Variants in PRKD3 observed in about 807,000 individuals in gnomAD.
PRKD3 encodes the protein serine/threonine-protein kinase D3.
PRKD3 carries 47 observed loss-of-function variants against 99.2 expected under a neutral mutation model. That is an observed-to-expected ratio of 0.47 (90% confidence interval 0.38 to 0.60). The LOEUF is 0.60. Among genes scored for constraint, PRKD3 ranks in the 20% least tolerant of loss-of-function variants. The probability of loss-of-function intolerance (pLI) is 0.00; values close to 1 mark genes in which losing one functional copy is unlikely to be tolerated. For synonymous variants in PRKD3, 392 were observed against 355.4 expected, an observed-to-expected ratio of 1.10 and a Z score of -1.16; for missense variants, 1,019 against 1,088.4, an observed-to-expected ratio of 0.94 and a Z score of 0.90.
At chr2:37,305,982 G>A (rs1671148393) in intron 2 of PRKD3, among the ~76,000 whole-genome samples, 3 of 151,760 alleles carry the variant, frequency 2.0e-5, no homozygotes, top group Non-Finnish European at 4.4e-5. Context: ...ATCAGTGGCA[G>A]AATAGCAACT....
At chr2:37,263,850 G>C (rs1303011797) in intron 14 of PRKD3, among the ~76,000 whole-genome samples, 1 of 152,040 alleles carries the variant, frequency 6.6e-6, no homozygotes, top group East Asian at 1.9e-4. Context: ...TTTTTTTAAA[G>C]TATGCTCACT....
rs1030469654 is a variant in PRKD3 at position 37,293,336 on chromosome 2, A to G, written c.289-65T>C. On this transcript the variant is annotated intron_variant, in intron 2 of 18. Coordinates refer to ENST00000234179, the MANE Select transcript of PRKD3 (RefSeq NM_005813.6). ...TCTATTTTTATAAGTAAACGTTTCA[A>G]TTTTATCAAAGAATTTAAAACATAG... The G allele has an allele frequency of 3.1e-5, 43 of 1,394,614 alleles. No homozygotes were observed. The South Asian group carries it at 5.2e-4, about 17-fold the overall frequency. 86.4% of individuals were successfully genotyped at this position (1,394,614 alleles called of 1,614,324 possible).
intron 14 of PRKD3, among the ~76,000 whole-genome samples, chr2:37,261,854 C>T (rs1206909578): frequency 6.6e-6 from 1 of 152,104 alleles, no homozygotes; most frequent in Non-Finnish European, 1.5e-5. Flanking sequence ...TAGAATGGTA[C>T]AAAAGTGGTA....
intron 3 of PRKD3, among the ~76,000 whole-genome samples, chr2:37,291,349 G>A (rs78369682): frequency 0.022 from 3,392 of 152,292 alleles, 57 homozygotes; most frequent in Middle Eastern, 0.054. Context: ...AAACTACTAT[G>A]GAACTTAACT....
In PRKD3 at chr2:37,260,075, G is replaced by A. The variant is rs898768067; in HGVS notation, c.2046+148C>T. 4 of 695,112 alleles carry A rather than the reference G, an allele frequency of 5.8e-6. No individual in the cohort carries two copies. In the East Asian group the frequency reaches 8.4e-5, roughly 15 times the overall value. The allele number at this position is 695,112 out of a possible 1,614,324, so 43.1% of individuals were successfully genotyped here. A position where few individuals can be genotyped will look rare whatever the true frequency, so the allele number is the denominator to read the frequency against. Reference sequence around the variant, plus strand: ...AGATACTTGGGAGGCTGAGGCATGAGAATCACTTGAATCCAGGAGGCAGAG... The same window carrying A: ...AGATACTTGGGAGGCTGAGGCATGAAAATCACTTGAATCCAGGAGGCAGAG... On this transcript the variant is annotated intron_variant, in intron 15 of 18. Coordinates refer to ENST00000234179, the MANE Select transcript of PRKD3 (RefSeq NM_005813.6).
intron 7 of PRKD3, among the ~76,000 whole-genome samples, chr2:37,281,380 G>A (rs997006829): frequency 6.6e-6 from 1 of 152,182 alleles, no homozygotes; most frequent in African/African-American, 2.4e-5. Flanking sequence ...GCTCTGTCAA[G>A]GTGTTAATCA....
chr2:37,279,786 G>C lies in PRKD3; in HGVS notation c.1132C>G (p.Leu378Val), dbSNP rs1268211485. ...GCTTCTTCATCTCTTTCCACATCGA[G>C]ATCAGATGGATCCAAGAAGAACATC... ...DKMFFLDPSDLDVERDEEAVK... is the reference protein window; with the variant it reads ...DKMFFLDPSDVDVERDEEAVK... Residue 378 changes from leucine (L) to valine (V), a missense_variant, in exon 8 of 19, where the codon CTC becomes GTC. Physicochemically the swap from Leu to Val is conservative, Grantham distance 32. Around this residue, in one of 3 missense-constraint regions of PRKD3, gnomAD observed 710 missense variants for 692.7 expected, o/e 1.02. Transcript: ENST00000234179. 2 of 1,613,590 alleles carry C rather than the reference G, an allele frequency of 1.2e-6. No individual in the cohort carries two copies. Among genetic ancestry groups the C allele is most frequent in the Admixed American group, 1.7e-5 (1 of 59,928 alleles).
intron 14 of PRKD3, among the ~76,000 whole-genome samples, chr2:37,261,070 A>G (rs748435884): frequency 7.2e-5 from 11 of 152,258 alleles, no homozygotes; most frequent in African/African-American, 1.2e-4. Context: ...ATTTCTGGAC[A>G]TAAATCTAAA....
At chr2:37,300,206 C>G (rs1670859062) in intron 2 of PRKD3, among the ~76,000 whole-genome samples, 3 of 152,032 alleles carry the variant, frequency 2.0e-5, no homozygotes, top group East Asian at 1.9e-4. Flanking sequence ...GAATGAAATC[C>G]TATAATTTGC....
At chr2:37,288,595 T>G (rs1670232308) in intron 5 of PRKD3, among the ~76,000 whole-genome samples, 1 of 152,182 alleles carries the variant, frequency 6.6e-6, no homozygotes. Context: ...AGTTATTTCT[T>G]TTTTCCTGGA....
chr2:37,270,147 A>C (rs887176024), intron 12 of PRKD3, among the ~76,000 whole-genome samples: 3 of 152,196 alleles, frequency 2.0e-5, no homozygotes, highest in Non-Finnish European at 2.9e-5. Flanking sequence ...GAATCGCTTG[A>C]ACCCAGGAGG....
chr2:37,316,834 T>C lies in PRKD3; in HGVS notation c.-310A>G, dbSNP rs1417638434. 2 of 1,127,736 alleles carry C rather than the reference T, an allele frequency of 1.8e-6. No individual in the cohort carries two copies. Among genetic ancestry groups the C allele is most frequent in the Non-Finnish European group, 2.2e-6 (2 of 920,734 alleles). 69.9% of individuals were successfully genotyped at this position (1,127,736 alleles called of 1,614,324 possible). On this transcript the variant is annotated 5_prime_UTR_variant, in exon 2 of 19. It adds an upstream start codon to the 5' untranslated region. Transcript: ENST00000234179. ...TCAGCAGGATAGAGTTGACGTAGCT[T>C]ATTTACGAATCTATTTTCCTTTCAG...
intron 1 of PRKD3, chr2:37,324,285 T>TTCGGGAACTAGTTTGGGAGAC (rs1343855765): frequency 1.1e-5 from 10 of 941,390 alleles, no homozygotes; most frequent in African/African-American, 1.8e-5. Context: ...CGGGTCTGGC[T>TTCGGGAACTAGTTTGGGAGAC]TCGGGAACTA....
rs555485230 is a variant in PRKD3, at chr2:37,263,220, A to C, written c.1885-2836T>G. Among the ~76,000 whole-genome samples, 5 of 152,266 alleles carry C rather than the reference A, an allele frequency of 3.3e-5. 1 individual carries two copies. Among genetic ancestry groups the C allele is most frequent in the African/African-American group, 1.2e-4 (5 of 41,570 alleles). ...ACAAAGGCGCTGATATATATGCAGT[A>C]TTTTCAGGTTTTCTAAATATTCTGA... is the stretch of plus-strand genomic sequence containing the variant. On this transcript the variant is annotated intron_variant, in intron 14 of 18. Transcript: ENST00000234179.
In PRKD3 at chr2:37,256,922, A is replaced by G; in HGVS notation, c.2153T>C (p.Leu718Pro). Residue 718 changes from leucine to proline, a missense_variant, in exon 17 of 19, where the codon CTG becomes CCG. This residue lies in a region of PRKD3 where 184 missense variants were observed against 275.1 expected (regional missense o/e 0.67). Coordinates refer to ENST00000234179, the MANE Select transcript of PRKD3 (RefSeq NM_005813.6). Reference sequence around the variant, plus strand: ...GATGCGTGCAAATCCAAAGTCACACAGCTTCACCTGGAAATTGAAGGATGA... The same window carrying G: ...GATGCGTGCAAATCCAAAGTCACACGGCTTCACCTGGAAATTGAAGGATGA... ...ASAEPFPQVK[L>P]CDFGFARIIG... 6.2e-7 allele frequency: 1 copy of G among 1,613,948 alleles called. No homozygotes were observed. Among genetic ancestry groups the G allele is most frequent in the Non-Finnish European group, 8.5e-7 (1 of 1,179,876 alleles).
chr2:37,298,457 A>G (rs1670769343), intron 2 of PRKD3, among the ~76,000 whole-genome samples: 1 of 151,826 alleles, frequency 6.6e-6, no homozygotes, highest in Admixed American at 6.6e-5. Context: ...CACCAGTCCC[A>G]TCTAAGTATA....
intron 14 of PRKD3, among the ~76,000 whole-genome samples, chr2:37,265,754 G>C (rs189486310): frequency 2.0e-5 from 3 of 152,224 alleles, no homozygotes; most frequent in Admixed American, 1.3e-4. Flanking sequence ...AAATAGCATA[G>C]AGACATCCTA....
At chr2:37,253,837 A>G (rs1467917333) in intron 18 of PRKD3, among the ~76,000 whole-genome samples, 1 of 152,256 alleles carries the variant, frequency 6.6e-6, no homozygotes, top group East Asian at 1.9e-4. Flanking sequence ...ATAAATCTAT[A>G]AAGTAACTTT....
At chr2:37,294,194 C>A (rs766470203) in intron 2 of PRKD3, among the ~76,000 whole-genome samples, 20 of 152,144 alleles carry the variant, frequency 1.3e-4, no homozygotes, top group Non-Finnish European at 2.8e-4. Flanking sequence ...AACTCCCAGG[C>A]TCGTGATCCT....
Sources: allele counts gnomAD v4.1 joint callset (sites outside exome capture counted in the v4.1 genomes callset), GRCh38; gene constraint gnomAD v4.1.1; regional missense constraint gnomAD v4.1.1; transcripts MANE v1.5; gene names NCBI Gene and HGNC (gene_info 2026-07-23, HGNC 2026-07-21).